Variants in PALMD observed in about 807,000 individuals in gnomAD.
PALMD encodes the protein paralemmin-like protein.
A neutral mutation model predicts 56.2 loss-of-function variants in PALMD; 42 were observed. That is an observed-to-expected ratio of 0.75 (90% CI 0.58 to 0.97). The LOEUF is 0.97. PALMD is among the 50% of genes least tolerant of loss of function. The pLI is 0.00. For synonymous variants in PALMD, 242 were observed against 222.9 expected (o/e 1.09, Z -0.76); for missense variants, 660 against 643.8 (o/e 1.03, Z -0.27).
intron 3 of PALMD, among the ~76,000 whole-genome samples, chr1:99,676,105 ATTC>A (rs1653206852): frequency 6.6e-6 from 1 of 152,078 alleles, no homozygotes; most frequent in Admixed American, 6.6e-5. Context: ...TGTTTGTCCT[ATTC>A]TTAAATGCTC....
At chr1:99,679,926 A>C (rs1653300808) in intron 3 of PALMD, among the ~76,000 whole-genome samples, 1 of 152,224 alleles carries the variant, frequency 6.6e-6, no homozygotes, top group Admixed American at 6.5e-5. Context: ...GAAATAGGCC[A>C]GTGCCTGGTG....
At chr1:99,673,561 T>C (rs1222369749) in intron 3 of PALMD, among the ~76,000 whole-genome samples, 1 of 152,176 alleles carries the variant, frequency 6.6e-6, no homozygotes, top group Non-Finnish European at 1.5e-5. Context: ...AAGAAATTAT[T>C]CTAAGGTAAT....
chr1:99,691,384 C>T (rs372258781), intron 7 of PALMD, among the ~76,000 whole-genome samples: 2 of 152,116 alleles, frequency 1.3e-5, no homozygotes, highest in Non-Finnish European at 2.9e-5. Flanking sequence ...AAGTGACTAA[C>T]ATTTCCAGAC....
At position 99,646,247 on chromosome 1, in the gene PALMD, C is replaced by A; in HGVS notation, c.-71C>A. 8.1e-7 allele frequency: 1 copy of A among 1,232,108 alleles called. No individual in the cohort carries two copies. Among genetic ancestry groups the A allele is most frequent in the Non-Finnish European group, 1.2e-6 (1 of 832,126 alleles). 76.3% of individuals were successfully genotyped at this position (1,232,108 alleles called of 1,614,324 possible). On this transcript the variant is annotated 5_prime_UTR_variant, in exon 1 of 8. Transcript: ENST00000263174. ...TCTCTTCTGTCACCCCCGCTCCTCT[C>A]CCCCAGGAGGCTCCTTGATTTATGG...
In PALMD at chr1:99,667,706, T is replaced by G. The variant is rs755462628; in HGVS notation, c.191T>G (p.Met64Arg). The part of the protein sequence containing the change: ...GISSGKEQEE[M>R]KKQNQQDQHQ... Reference sequence around the variant, plus strand: ...AGCAGCGGAAAAGAACAGGAAGAGATGAAGAAGCAAAATCAACAAGACCAG... The same window carrying G: ...AGCAGCGGAAAAGAACAGGAAGAGAGGAAGAAGCAAAATCAACAAGACCAG... Residue 64 changes from methionine (M) to arginine (R), a missense_variant, in exon 3 of 8, where the codon ATG becomes AGG. Transcript: ENST00000263174. 1.2e-6 allele frequency: 2 copies of G among 1,613,458 alleles called. No homozygotes were observed. Among genetic ancestry groups the G allele is most frequent in the Non-Finnish European group, 1.7e-6 (2 of 1,179,682 alleles).
chr1:99,687,224 TA>T, intron 6 of PALMD, 35 bp downstream of exon 6: 1 of 1,564,216 alleles, frequency 6.4e-7, no homozygotes. Flanking sequence ...GGCATGTTCT[TA>T]ATTTCAGATT....
At chr1:99,673,015 G>A (rs1289241990) in intron 3 of PALMD, among the ~76,000 whole-genome samples, 2 of 152,154 alleles carry the variant, frequency 1.3e-5, no homozygotes, top group African/African-American at 4.8e-5. Context: ...TACGTGTCAT[G>A]AGAAAAGCCA....
intron 2 of PALMD, among the ~76,000 whole-genome samples, chr1:99,666,397 C>A (rs1056926190): frequency 6.7e-6 from 1 of 150,282 alleles, no homozygotes; most frequent in Non-Finnish European, 1.5e-5. Flanking sequence ...AATAATCATC[C>A]TTTGGCAATT....
intron 1 of PALMD, among the ~76,000 whole-genome samples, chr1:99,646,690 G>C (rs1360721326): frequency 6.6e-6 from 1 of 152,126 alleles, no homozygotes; most frequent in African/African-American, 2.4e-5. Context: ...ATGTCCATTT[G>C]ACTGGCATTA....
At chr1:99,687,334 C>A in intron 6 of PALMD, 145 bp downstream of exon 6, 1 of 803,152 alleles carries the variant, frequency 1.2e-6, no homozygotes, top group Non-Finnish European at 1.9e-6. Context: ...TGAGTCACCG[C>A]ATAGGTGAGG....
In PALMD at chr1:99,686,934, T is replaced by C; in HGVS notation, c.371T>C (p.Val124Ala). ...ERTTEDIIRS[V>A]KVEREERAEE... The stretch of plus-strand genomic sequence containing the variant: ...GAGAATTCTTTTTTCTTACAGTCTG[T>C]GAAAGTGGAAAGAGAAGAAAGAGCA... The change falls in exon 5 of 8, where the codon GTG becomes GCG. Residue 124 changes from valine to alanine, a missense_variant. Coordinates refer to ENST00000263174, the MANE Select transcript of PALMD (RefSeq NM_017734.5). 1 of 1,576,660 alleles carries C rather than the reference T, an allele frequency of 6.3e-7. No homozygotes were observed.
chr1:99,669,569 C>G (rs1653041512), intron 3 of PALMD: 1 of 152,338 alleles, frequency 6.6e-6, no homozygotes. Flanking sequence ...CCCTCAAAAC[C>G]TCCTTTTAGA....
At chr1:99,667,618 T>C (rs1376998994) in intron 2 of PALMD, 24 bp from the exon 3 acceptor site, 1 of 1,605,898 alleles carries the variant, frequency 6.2e-7, no homozygotes, top group South Asian at 1.1e-5. Flanking sequence ...TATAAGAACA[T>C]ATCTTTATGT....
chr1:99,652,483 A>G (rs1652608860), intron 1 of PALMD, among the ~76,000 whole-genome samples: 1 of 152,028 alleles, frequency 6.6e-6, no homozygotes, highest in Admixed American at 6.6e-5. Flanking sequence ...CTGCGCCTGT[A>G]ATCCCAGCTA....
At chr1:99,676,724 G>A (rs1653221751) in intron 3 of PALMD, among the ~76,000 whole-genome samples, 1 of 151,722 alleles carries the variant, frequency 6.6e-6, no homozygotes, top group South Asian at 2.1e-4. Context: ...CATATAATAG[G>A]TCCTTAATAA....
chr1:99,667,185 C>T lies in PALMD; in HGVS notation c.127-457C>T, dbSNP rs369057483. Among the ~76,000 whole-genome samples, 11 of 152,300 alleles carry T rather than the reference C, an allele frequency of 7.2e-5. No individual in the cohort carries two copies. In the East Asian group the frequency reaches 1.5e-3, roughly 21 times the overall value. ...TTTTAAAGCAGTCATTGCATGCTCT[C>T]ACCAGGGGGAATATCAAAATAGCTT... On this transcript the variant is annotated intron_variant, in intron 2 of 7. Coordinates refer to ENST00000263174, the MANE Select transcript of PALMD (RefSeq NM_017734.5).
intron 3 of PALMD, among the ~76,000 whole-genome samples, chr1:99,683,035 A>G (rs1473252657): frequency 7.6e-5 from 1 of 13,118 alleles, no homozygotes; most frequent in African/African-American, 5.5e-4. Context: ...AAAGAAAGAA[A>G]GAAAGAAAGA....
At chr1:99,650,609 T>C (rs1175101161) in intron 1 of PALMD, among the ~76,000 whole-genome samples, 1 of 152,204 alleles carries the variant, frequency 6.6e-6, no homozygotes, top group East Asian at 1.9e-4. Flanking sequence ...AGACAGTTAG[T>C]GACCCAAAAG....
rs377214007 is a variant in PALMD, at chr1:99,659,260, C to G, written c.46-3059C>G. Among the ~76,000 whole-genome samples the G allele has an allele frequency of 1.9e-4, 29 of 152,204 alleles. 1 individual carries two copies. Among genetic ancestry groups the G allele is most frequent in the African/African-American group, 6.7e-4 (28 of 41,530 alleles). On this transcript the variant is annotated intron_variant, in intron 1 of 7. Coordinates refer to ENST00000263174, the MANE Select transcript of PALMD (RefSeq NM_017734.5). ...GATGGTCACAATAACTATAGTTGTA[C>G]AAGGCGAATAAATTAATTTTCAAAA...
Sources: allele counts gnomAD v4.1 joint callset (sites outside exome capture counted in the v4.1 genomes callset), GRCh38; gene constraint gnomAD v4.1.1; transcripts MANE v1.5; gene names NCBI Gene and HGNC (gene_info 2026-07-23, HGNC 2026-07-21).